ANO1: variants seen among roughly 807,000 people sequenced by gnomAD.
The protein encoded by ANO1 is anoctamin 1.
In ANO1, 59 loss-of-function variants were observed where a neutral mutation model predicts 124.0. The observed-to-expected ratio is 0.48, with a 90% CI of 0.39 to 0.59. The LOEUF is 0.59. Among genes scored for constraint, ANO1 ranks in the 20% least tolerant of loss-of-function variants. ANO1 has a pLI of 0.00. For synonymous variants in ANO1, 529 were observed against 532.0 expected (o/e 0.99, Z 0.08); for missense variants, 1,059 against 1,328.0 (o/e 0.80, Z 3.15).
At chr11:69,996,682 G>A (rs1856276991) in intron 1 of ANO1, among the ~76,000 whole-genome samples, 1 of 152,188 alleles carries the variant, frequency 6.6e-6, no homozygotes, top group Non-Finnish European at 1.5e-5. Context: ...TCACACAGCA[G>A]TTTGGTGGCA....
intron 1 of ANO1, chr11:70,085,814 C>T: frequency 9.3e-7 from 1 of 1,073,616 alleles, no homozygotes; most frequent in Non-Finnish European, 1.3e-6. Flanking sequence ...GCTCCACCCT[C>T]CGGCTTCCCT....
At chr11:70,016,822 C>T (rs66936705) in intron 1 of ANO1, among the ~76,000 whole-genome samples, 35,720 of 152,170 alleles carry the variant, frequency 0.23, 4,358 homozygotes, top group Admixed American at 0.27. Context: ...AATCTGCTAT[C>T]GATACAGGGC....
chr11:70,100,786 C>T (rs533285483), intron 2 of ANO1, among the ~76,000 whole-genome samples: 22 of 152,178 alleles, frequency 1.4e-4, no homozygotes, highest in African/African-American at 3.9e-4. Context: ...CAGCAGGGAC[C>T]GGCACGGAAC....
chr11:70,110,402 A>G (rs1317087830), intron 6 of ANO1, among the ~76,000 whole-genome samples: 3 of 151,920 alleles, frequency 2.0e-5, no homozygotes, highest in Admixed American at 6.6e-5. Context: ...TAGCCAGGAT[A>G]GTCTCGATCT....
chr11:70,004,168 T>C (rs10899057), intron 1 of ANO1, among the ~76,000 whole-genome samples: 73,832 of 151,858 alleles, frequency 0.49, 19,203 homozygotes, highest in East Asian at 0.89. Flanking sequence ...CACCTGACTT[T>C]GTCTTCACAA....
chr11:70,188,341 G>C lies in ANO1; in HGVS notation c.*337G>C. 1 of 311,720 alleles carries C rather than the reference G, an allele frequency of 3.2e-6. No individual in the cohort carries two copies. Among genetic ancestry groups the C allele is most frequent in the South Asian group, 5.9e-5 (1 of 16,878 alleles). The allele number at this position is 311,720 out of a possible 1,614,324, so 19.3% of individuals were successfully genotyped here. A position where few individuals can be genotyped will look rare whatever the true frequency, so the allele number is the denominator to read the frequency against. The stretch of plus-strand genomic sequence containing the variant: ...TCTCCCTAGAGGTGAAAAGTGAGCA[G>C]AGGCCCGTAGAAACCCTCCTCTGAA... On this transcript the variant is annotated 3_prime_UTR_variant, in exon 26 of 26. Transcript: ENST00000355303.
intron 21 of ANO1, among the ~76,000 whole-genome samples, chr11:70,168,720 G>C (rs1265046541): frequency 6.6e-6 from 1 of 152,182 alleles, no homozygotes; most frequent in Non-Finnish European, 1.5e-5. Context: ...GTCTGCTGGA[G>C]GTGAGACCTG....
At chr11:70,001,475 C>T (rs1176462839) in intron 1 of ANO1, among the ~76,000 whole-genome samples, 1 of 152,206 alleles carries the variant, frequency 6.6e-6, no homozygotes, top group Non-Finnish European at 1.5e-5. Context: ...TCCCTTCCCA[C>T]CATGCTGCCC....
intron 2 of ANO1, among the ~76,000 whole-genome samples, chr11:70,095,701 G>A (rs1399732001): frequency 6.6e-6 from 1 of 152,202 alleles, no homozygotes; most frequent in Non-Finnish European, 1.5e-5. Flanking sequence ...TTACACCATG[G>A]GAATTGGCAG....
intron 1 of ANO1, among the ~76,000 whole-genome samples, chr11:70,060,461 A>G (rs1565171101): frequency 1.3e-5 from 2 of 152,240 alleles, no homozygotes; most frequent in African/African-American, 2.4e-5. Context: ...TATTAGGGAA[A>G]CACAGTCGTG....
chr11:70,047,080 CAAAAAAA>C (rs10660510), intron 1 of ANO1, among the ~76,000 whole-genome samples: 9 of 73,902 alleles, frequency 1.2e-4, no homozygotes, highest in African/African-American at 2.8e-4. Flanking sequence ...GACTCTGTCT[CAAAAAAA>C]AAAAAAAAAA....
chr11:70,153,253 A>G (rs2047675294), intron 14 of ANO1, 125 bp downstream of exon 14: 3 of 861,034 alleles, frequency 3.5e-6, no homozygotes, highest in Non-Finnish European at 5.5e-6. Context: ...GCGGCTGCTC[A>G]ACTCTGCCAT....
At chr11:70,047,723 T>C (rs1857283609) in intron 1 of ANO1, among the ~76,000 whole-genome samples, 1 of 152,226 alleles carries the variant, frequency 6.6e-6, no homozygotes, top group Non-Finnish European at 1.5e-5. Flanking sequence ...AAAATCATTT[T>C]TTAAAGACCC....
At chr11:69,995,829 G>C (rs571908924) in intron 1 of ANO1, among the ~76,000 whole-genome samples, 3 of 152,166 alleles carry the variant, frequency 2.0e-5, no homozygotes, top group Non-Finnish European at 4.4e-5. Flanking sequence ...ATTTCAGGCC[G>C]GGCGCAGTGG....
rs183497630 is a variant in ANO1 at position 70,110,946 on chromosome 11, G to A, written c.800-761G>A. ...CACACAGGCATGGTGTTTTTATAAT[G>A]TGCCCAGTGCAGGCCCTGGGGGCCA... On this transcript the variant is annotated intron_variant, in intron 6 of 25. Coordinates refer to ENST00000355303, the MANE Select transcript of ANO1 (RefSeq NM_018043.7). Among the ~76,000 whole-genome samples the A allele has an allele frequency of 3.8e-3, 583 of 152,364 alleles. 3 individuals carry two copies. Among genetic ancestry groups the A allele is most frequent in the African/African-American group, 0.013 (530 of 41,590 alleles).
intron 10 of ANO1, among the ~76,000 whole-genome samples, chr11:70,130,689 A>G (rs2046718058): frequency 6.6e-6 from 1 of 152,222 alleles, no homozygotes; most frequent in Non-Finnish European, 1.5e-5. Flanking sequence ...TCCTGGCCAC[A>G]GTAGTTGGGA....
At chr11:69,992,750 G>A (rs782716266) in intron 1 of ANO1, among the ~76,000 whole-genome samples, 6 of 152,242 alleles carry the variant, frequency 3.9e-5, no homozygotes, top group East Asian at 3.9e-4. Context: ...TGAGGCCTTC[G>A]TCTCTCCCCG....
At chr11:70,069,089 CA>C (rs1857803695) in intron 1 of ANO1, among the ~76,000 whole-genome samples, 1 of 152,226 alleles carries the variant, frequency 6.6e-6, no homozygotes, top group Admixed American at 6.5e-5. Flanking sequence ...CATATGAATC[CA>C]CTCACAGAGG....
At chr11:70,102,625 G>A (rs575512425) in intron 2 of ANO1, among the ~76,000 whole-genome samples, 1 of 152,324 alleles carries the variant, frequency 6.6e-6, no homozygotes, top group Non-Finnish European at 1.5e-5. Flanking sequence ...ATCTTCAGTC[G>A]TCCCCTCCTC....
Sources: gnomAD v4.1 joint callset for allele counts (sites outside exome capture counted in the v4.1 genomes callset) on GRCh38, gnomAD v4.1.1 for gene constraint, MANE v1.5 for transcripts, NCBI Gene and HGNC (gene_info 2026-07-23, HGNC 2026-07-21) for gene names.